Variants in MAF observed in about 807,000 individuals in gnomAD.
MAF encodes transcription factor Maf.
A neutral mutation model predicts 22.0 loss-of-function variants in MAF; 10 were observed. That is an observed-to-expected ratio of 0.45 (90% CI 0.28 to 0.77). The LOEUF (loss-of-function observed/expected upper bound fraction) is 0.77, where lower values mean the gene tolerates loss of function less well. Ranked by LOEUF, MAF falls within the 30% of genes least tolerant of loss-of-function variation. The pLI is 0.12. For synonymous variants in MAF, 337 were observed against 255.8 expected, an observed-to-expected ratio of 1.32 and a Z score of -3.03; for missense variants, 544 against 548.4, an observed-to-expected ratio of 0.99 and a Z score of 0.08.
chr16:79,248,168 CTTT>C, the MAF span, among the ~76,000 whole-genome samples: 1 of 142,572 alleles, frequency 7.0e-6, no homozygotes, highest in Non-Finnish European at 1.6e-5. Context: ...ACTGGAATTA[CTTT>C]TTTTTTTTTT....
the MAF span, among the ~76,000 whole-genome samples, chr16:79,498,657 A>G: frequency 7.9e-5 from 12 of 152,184 alleles, no homozygotes; most frequent in Admixed American, 2.6e-4. Context: ...CAGAGAGGTT[A>G]AGTACCTAGC....
chr16:79,417,745 A>C, the MAF span, among the ~76,000 whole-genome samples: 1 of 152,110 alleles, frequency 6.6e-6, no homozygotes. Context: ...TGTTGACCAA[A>C]TATCAGGAGC....
At chr16:79,290,975 C>G in the MAF span, among the ~76,000 whole-genome samples, 1 of 152,110 alleles carries the variant, frequency 6.6e-6, no homozygotes, top group African/African-American at 2.4e-5. Context: ...TGCTTATTCA[C>G]AATGACAATC....
the MAF span, among the ~76,000 whole-genome samples, chr16:79,439,146 C>A: frequency 1.3e-5 from 2 of 152,002 alleles, no homozygotes; most frequent in Non-Finnish European, 2.9e-5. Flanking sequence ...TGCGTTCATT[C>A]ATCGTTCATT....
chr16:79,430,357 G>C, the MAF span, among the ~76,000 whole-genome samples: 1 of 152,174 alleles, frequency 6.6e-6, no homozygotes, highest in African/African-American at 2.4e-5. Flanking sequence ...GGGTCTTCCC[G>C]TCAAGACAAC....
chr16:79,526,846 TA>T, the MAF span, among the ~76,000 whole-genome samples: 30,879 of 152,142 alleles, frequency 0.2, 3,473 homozygotes, highest in Middle Eastern at 0.27. Context: ...ATGCAAATAA[TA>T]AGATATAGAT....
At chr16:79,372,911 A>G in the MAF span, among the ~76,000 whole-genome samples, 1 of 152,148 alleles carries the variant, frequency 6.6e-6, no homozygotes, top group Non-Finnish European at 1.5e-5. Context: ...TCTTTCTAGA[A>G]CATTCTTTCC....
chr16:79,498,816 C>T, the MAF span, among the ~76,000 whole-genome samples: 1 of 152,206 alleles, frequency 6.6e-6, no homozygotes, highest in Non-Finnish European at 1.5e-5. Context: ...GCTAAGGATA[C>T]TCTGGTAATT....
At chr16:79,304,646 T>C in the MAF span, among the ~76,000 whole-genome samples, 36 of 152,246 alleles carry the variant, frequency 2.4e-4, no homozygotes, top group African/African-American at 8.4e-4. Context: ...AAAATGGTGG[T>C]GGGAGTTCTT....
At chr16:79,338,062 T>C in the MAF span, among the ~76,000 whole-genome samples, 3 of 152,170 alleles carry the variant, frequency 2.0e-5, no homozygotes, top group Non-Finnish European at 4.4e-5. Flanking sequence ...GAGGAGCCCA[T>C]AGTCCAATGG....
the MAF span, among the ~76,000 whole-genome samples, chr16:79,563,511 A>AG: frequency 6.6e-6 from 1 of 152,102 alleles, no homozygotes; most frequent in Non-Finnish European, 1.5e-5. Flanking sequence ...GGCACCAAAA[A>AG]AAAAAAAAGA....
chr16:79,407,571 C>T, the MAF span, among the ~76,000 whole-genome samples: 4 of 152,076 alleles, frequency 2.6e-5, no homozygotes, highest in Non-Finnish European at 5.9e-5. Flanking sequence ...TTAATTATTC[C>T]TAACATCATG....
the MAF span, among the ~76,000 whole-genome samples, chr16:79,452,261 A>G: frequency 6.6e-6 from 1 of 152,242 alleles, no homozygotes; most frequent in Non-Finnish European, 1.5e-5. Flanking sequence ...AAAACAAGCT[A>G]TTAACATAGG....
chr16:79,390,313 C>T, the MAF span, among the ~76,000 whole-genome samples: 1 of 152,092 alleles, frequency 6.6e-6, no homozygotes, highest in African/African-American at 2.4e-5. Context: ...GACAGAGATG[C>T]TTAGGCATGG....
At chr16:79,262,835 G>A in the MAF span, among the ~76,000 whole-genome samples, 1 of 152,180 alleles carries the variant, frequency 6.6e-6, no homozygotes, top group African/African-American at 2.4e-5. Context: ...CTAGAAGCTG[G>A]TGGGTGAACG....
the MAF span, among the ~76,000 whole-genome samples, chr16:79,445,805 C>A: frequency 6.6e-6 from 1 of 152,186 alleles, no homozygotes; most frequent in Non-Finnish European, 1.5e-5. Flanking sequence ...TACAATTGCT[C>A]CTAAATGTTT....
the MAF span, among the ~76,000 whole-genome samples, chr16:79,503,791 C>T: frequency 2.0e-5 from 3 of 152,132 alleles, no homozygotes; most frequent in Non-Finnish European, 2.9e-5. Context: ...CGTGTTTCTG[C>T]CTTATGGTTA....
At chr16:79,430,173 G>A in the MAF span, among the ~76,000 whole-genome samples, 2 of 152,088 alleles carry the variant, frequency 1.3e-5, no homozygotes, top group East Asian at 1.9e-4. Flanking sequence ...ATTTTATGAC[G>A]GTAATTGGAA....
chr16:79,321,050 A>T, the MAF span, among the ~76,000 whole-genome samples: 1 of 152,142 alleles, frequency 6.6e-6, no homozygotes, highest in African/African-American at 2.4e-5. Context: ...GCTCACTCAC[A>T]CACTTGGTAG....
Sources: allele counts gnomAD v4.1 joint callset (sites outside exome capture counted in the v4.1 genomes callset), GRCh38; gene constraint gnomAD v4.1.1; transcripts MANE v1.5; gene names NCBI Gene and HGNC (gene_info 2026-07-23, HGNC 2026-07-21).